SHC3: variants seen among roughly 807,000 people sequenced by gnomAD.
The protein encoded by SHC3 is SHC adaptor protein 3, also known as SHC-transforming protein 3.
In SHC3, 15 loss-of-function variants were observed where a neutral mutation model predicts 60.4. The observed-to-expected ratio is 0.25, with a 90% CI of 0.17 to 0.38. SHC3 has a LOEUF of 0.38. SHC3 is among the 10% of genes least tolerant of loss of function. The pLI is 1.00. For synonymous variants in SHC3, 294 were observed against 325.9 expected (o/e 0.90, Z 1.05); for missense variants, 677 against 786.1 (o/e 0.86, Z 1.66).
intron 1 of SHC3, among the ~76,000 whole-genome samples, chr9:89,140,052 G>A (rs1826370717): frequency 6.6e-6 from 1 of 152,158 alleles, no homozygotes; most frequent in Non-Finnish European, 1.5e-5. Context: ...GTCATTTCTT[G>A]AAGAGTACTA....
chr9:89,062,481 C>T (rs941602872), intron 6 of SHC3, among the ~76,000 whole-genome samples: 2 of 152,140 alleles, frequency 1.3e-5, no homozygotes, highest in African/African-American at 4.8e-5. Context: ...ATTCTTGATA[C>T]CAGAGAGACA....
At chr9:89,102,821 G>C (rs1825802251) in intron 2 of SHC3, among the ~76,000 whole-genome samples, 1 of 152,202 alleles carries the variant, frequency 6.6e-6, no homozygotes, top group Non-Finnish European at 1.5e-5. Flanking sequence ...GTTAAGTGAG[G>C]ACTTACTGTC....
At chr9:89,136,384 T>C (rs1826319723) in intron 1 of SHC3, among the ~76,000 whole-genome samples, 1 of 152,178 alleles carries the variant, frequency 6.6e-6, no homozygotes, top group Admixed American at 6.5e-5. Flanking sequence ...CATAAAGACC[T>C]TGCTGATAAA....
At chr9:89,135,644 G>A (rs1826308052) in intron 1 of SHC3, among the ~76,000 whole-genome samples, 1 of 152,152 alleles carries the variant, frequency 6.6e-6, no homozygotes, top group African/African-American at 2.4e-5. Context: ...TGGTACACCT[G>A]TTATAAAATT....
In SHC3 at chr9:89,099,418, T is replaced by TTG. The variant is rs1337223557; in HGVS notation, c.545+13137_545+13138insCA. ...TTCAGAATTGTTCACGTTTGTGCTT[T>TTG]TCTATGGAATATCATCCTCTGAGCC... On this transcript the variant is annotated intron_variant, in intron 2 of 11. Transcript: ENST00000375835. 1.1e-4 allele frequency among the ~76,000 whole-genome samples: 16 copies of TTG among 152,348 alleles called. 1 individual carries two copies. The highest frequency in any genetic ancestry group is 6.8e-3 in the Middle Eastern group (2 of 294).
chr9:89,122,809 A>G (rs1171181144), intron 1 of SHC3, among the ~76,000 whole-genome samples: 1 of 152,174 alleles, frequency 6.6e-6, no homozygotes, highest in Non-Finnish European at 1.5e-5. Flanking sequence ...GTGGGGGAGT[A>G]GGAATTGTGG....
intron 2 of SHC3, among the ~76,000 whole-genome samples, chr9:89,106,456 G>C (rs949166092): frequency 2.6e-5 from 4 of 152,228 alleles, no homozygotes; most frequent in African/African-American, 9.6e-5. Flanking sequence ...CCTGCATCTA[G>C]TCTCCGCCCC....
rs1564088968 is a variant in SHC3, at chr9:89,035,853, GTGTGTGTGT to G, written c.1656+2131_1656+2139del. 6.1e-5 allele frequency among the ~76,000 whole-genome samples: 6 copies of G among 98,532 alleles called. No homozygotes were observed. The East Asian group carries it at 1.1e-3, about 18-fold the overall frequency. 64.6% of individuals were successfully genotyped at this position (98,532 alleles called of 152,430 possible). A position where few individuals can be genotyped will look rare whatever the true frequency, so the allele number is the denominator to read the frequency against. On this transcript the variant is annotated intron_variant, in intron 11 of 11. Coordinates refer to ENST00000375835, the MANE Select transcript of SHC3 (RefSeq NM_016848.6). Reference sequence around the variant, plus strand: ...AAAATATATATATATATATATAGATGTGTGTGTGTGTGTGTGTGTGTGTGTGTGTGTGTG... The same window carrying G: ...AAAATATATATATATATATATAGATGGTGTGTGTGTGTGTGTGTGTGTGTG...
At chr9:89,101,064 A>C (rs907335539) in intron 2 of SHC3, among the ~76,000 whole-genome samples, 8 of 152,194 alleles carry the variant, frequency 5.3e-5, no homozygotes, top group African/African-American at 1.7e-4. Flanking sequence ...ATATCTGTCC[A>C]TTTATTTAGC....
chr9:89,027,670 T>A (rs188580334), intron 11 of SHC3, among the ~76,000 whole-genome samples: 2 of 152,326 alleles, frequency 1.3e-5, no homozygotes, highest in Admixed American at 1.3e-4. Context: ...GGAATTGCCC[T>A]ATCCCACCTT....
chr9:89,073,670 G>A (rs954963317), intron 4 of SHC3, among the ~76,000 whole-genome samples: 3 of 152,168 alleles, frequency 2.0e-5, no homozygotes, highest in Admixed American at 6.5e-5. Context: ...CACCTGCTTC[G>A]GCTGCCATGT....
At chr9:89,017,480 C>A (rs986712082) in intron 11 of SHC3, among the ~76,000 whole-genome samples, 16 of 152,132 alleles carry the variant, frequency 1.1e-4, no homozygotes, top group African/African-American at 3.9e-4. Flanking sequence ...TTTCTTACAT[C>A]TTATATAAAA....
chr9:89,096,824 C>G (rs756073433), intron 2 of SHC3, among the ~76,000 whole-genome samples: 1 of 152,166 alleles, frequency 6.6e-6, no homozygotes, highest in Non-Finnish European at 1.5e-5. Flanking sequence ...CACAGGACAG[C>G]TGGTCCCAAA....
At chr9:89,106,638 G>C (rs963258823) in intron 2 of SHC3, among the ~76,000 whole-genome samples, 5 of 152,132 alleles carry the variant, frequency 3.3e-5, no homozygotes, top group African/African-American at 1.2e-4. Flanking sequence ...TGCTCCAGAT[G>C]GTCCTGGGGG....
At chr9:89,020,781 T>A (rs964499939) in intron 11 of SHC3, among the ~76,000 whole-genome samples, 6 of 152,032 alleles carry the variant, frequency 3.9e-5, no homozygotes, top group Non-Finnish European at 8.8e-5. Context: ...TCACCAACTC[T>A]CCATGTCTCC....
At chr9:89,077,970 C>T in intron 2 of SHC3, 67 bp from the exon 3 acceptor site, 1 of 1,551,806 alleles carries the variant, frequency 6.4e-7, no homozygotes, top group African/African-American at 1.4e-5. Flanking sequence ...AGAGATGCTA[C>T]ACTTGCACAT....
intron 1 of SHC3, among the ~76,000 whole-genome samples, chr9:89,169,972 C>T (rs1452879286): frequency 2.0e-5 from 3 of 152,068 alleles, no homozygotes; most frequent in Admixed American, 1.3e-4. Flanking sequence ...GTTAGGCTCC[C>T]TCACCCCTCC....
intron 2 of SHC3, among the ~76,000 whole-genome samples, chr9:89,090,327 G>A (rs1393819624): frequency 1.3e-5 from 2 of 152,202 alleles, no homozygotes; most frequent in Admixed American, 1.3e-4. Context: ...AGATTATCCA[G>A]CCAAAGATCA....
chr9:89,072,970 A>C (rs144816760), intron 4 of SHC3, among the ~76,000 whole-genome samples: 1 of 152,236 alleles, frequency 6.6e-6, no homozygotes, highest in Non-Finnish European at 1.5e-5. Context: ...CCCTGAGTAC[A>C]TAAGTGAATA....
Sources: allele counts gnomAD v4.1 joint callset (sites outside exome capture counted in the v4.1 genomes callset), GRCh38; gene constraint gnomAD v4.1.1; transcripts MANE v1.5; gene names NCBI Gene and HGNC (gene_info 2026-07-23, HGNC 2026-07-21).